PRKACB: variants seen among roughly 807,000 people sequenced by gnomAD.
The protein encoded by PRKACB is cAMP-dependent protein kinase catalytic subunit beta.
A neutral mutation model predicts 51.4 loss-of-function variants in PRKACB; 16 were observed. That is an observed-to-expected ratio of 0.31 (90% confidence interval 0.21 to 0.47). The LOEUF (loss-of-function observed/expected upper bound fraction) is 0.47, where lower values mean the gene tolerates loss of function less well. Ranked by LOEUF, PRKACB falls within the 20% of genes least tolerant of loss-of-function variation. PRKACB has a pLI of 1.00. For synonymous variants in PRKACB, 147 were observed against 154.4 expected (o/e 0.95, Z 0.35); for missense variants, 309 against 464.5 (o/e 0.67, Z 3.08).
intron 8 of PRKACB, among the ~76,000 whole-genome samples, chr1:84,206,895 T>C (rs1671420549): frequency 6.6e-6 from 1 of 152,212 alleles, no homozygotes; most frequent in Admixed American, 6.5e-5. Flanking sequence ...GCCTACTATG[T>C]TAAGTCTTTT....
chr1:84,124,389 G>A (rs1651371827), intron 1 of PRKACB, among the ~76,000 whole-genome samples: 3 of 152,142 alleles, frequency 2.0e-5, no homozygotes, highest in African/African-American at 7.2e-5. Context: ...CTTACATTTT[G>A]TATTAGTATA....
rs3051185 is a variant in PRKACB at position 84,211,127 on chromosome 1, TCACACACACA to T, written c.907-3002_907-2993del. Among the ~76,000 whole-genome samples, 187 of 148,940 alleles carry T rather than the reference TCACACACACA, an allele frequency of 1.3e-3. 1 individual carries two copies. In the South Asian group the frequency reaches 0.017, roughly 14 times the overall value. ...GTCACAACCCACCACCACTCCACTG[TCACACACACA>T]CACACACACACACACACACACACGT... On this transcript the variant is annotated intron_variant, in intron 8 of 9. Transcript: ENST00000370685.
intron 1 of PRKACB, among the ~76,000 whole-genome samples, chr1:84,079,086 C>A (rs919916940): frequency 6.6e-6 from 1 of 152,028 alleles, no homozygotes; most frequent in African/African-American, 2.4e-5. Flanking sequence ...TGCGGGTACT[C>A]CACACTTTAC....
chr1:84,164,394 G>T, intron 1 of PRKACB: 2 of 1,573,640 alleles, frequency 1.3e-6, no homozygotes, highest in Non-Finnish European at 1.7e-6. Context: ...TCTGCTGTTT[G>T]CTCCTTGCCA....
intron 1 of PRKACB, among the ~76,000 whole-genome samples, chr1:84,101,096 A>T (rs1382427129): frequency 6.6e-6 from 1 of 152,224 alleles, no homozygotes; most frequent in East Asian, 1.9e-4. Context: ...AACCAGTAGG[A>T]TATATCGGAA....
chr1:84,131,672 A>G (rs532210657), intron 1 of PRKACB, among the ~76,000 whole-genome samples: 3 of 152,324 alleles, frequency 2.0e-5, no homozygotes, highest in Non-Finnish European at 4.4e-5. Context: ...AAATCTGGAG[A>G]GAAAAGCAAA....
At chr1:84,091,237 A>G (rs1648445501) in intron 1 of PRKACB, among the ~76,000 whole-genome samples, 1 of 152,172 alleles carries the variant, frequency 6.6e-6, no homozygotes, top group South Asian at 2.1e-4. Flanking sequence ...CTCTTGCTGT[A>G]TTATAGTTAC....
At chr1:84,081,291 G>C (rs1647512029) in intron 1 of PRKACB, among the ~76,000 whole-genome samples, 1 of 152,080 alleles carries the variant, frequency 6.6e-6, no homozygotes, top group Admixed American at 6.5e-5. Context: ...CCCTCTATTA[G>C]AATTAACATT....
At chr1:84,154,573 G>A (rs1655224656) in intron 1 of PRKACB, among the ~76,000 whole-genome samples, 2 of 152,108 alleles carry the variant, frequency 1.3e-5, no homozygotes, top group South Asian at 4.1e-4. Flanking sequence ...TACCAGGGCA[G>A]CATTGCTCTG....
intron 1 of PRKACB, among the ~76,000 whole-genome samples, chr1:84,103,793 A>G (rs113105253): frequency 7.2e-5 from 11 of 152,254 alleles, no homozygotes; most frequent in African/African-American, 1.9e-4. Flanking sequence ...CACCTGCCCA[A>G]CCTCACAGAG....
chr1:84,216,953 T>C (rs910818115), intron 9 of PRKACB, among the ~76,000 whole-genome samples: 1 of 152,240 alleles, frequency 6.6e-6, no homozygotes, highest in East Asian at 1.9e-4. Context: ...TCTTAACTTT[T>C]ATGCTTTGAG....
At chr1:84,094,874 C>A (rs905934188) in intron 1 of PRKACB, among the ~76,000 whole-genome samples, 1 of 151,932 alleles carries the variant, frequency 6.6e-6, no homozygotes, top group Non-Finnish European at 1.5e-5. Context: ...ACATTTCAGT[C>A]AAAAACATAC....
At chr1:84,145,356 A>G (rs1470935082) in intron 1 of PRKACB, among the ~76,000 whole-genome samples, 1 of 152,082 alleles carries the variant, frequency 6.6e-6, no homozygotes, top group African/African-American at 2.4e-5. Flanking sequence ...CAATAGAATT[A>G]CCCTTGAAAC....
intron 1 of PRKACB, among the ~76,000 whole-genome samples, chr1:84,084,809 G>T (rs747353627): frequency 1.3e-5 from 2 of 152,126 alleles, no homozygotes; most frequent in Admixed American, 1.3e-4. Context: ...GGGGGTTGGG[G>T]TGGGGACTTA....
intron 1 of PRKACB, among the ~76,000 whole-genome samples, chr1:84,082,915 G>A (rs1326503900): frequency 1.3e-5 from 2 of 152,136 alleles, no homozygotes; most frequent in African/African-American, 4.8e-5. Context: ...CGGAATGCTG[G>A]ATTTATTTTT....
chr1:84,122,281 A>G (rs1278499527), intron 1 of PRKACB, among the ~76,000 whole-genome samples: 1 of 152,172 alleles, frequency 6.6e-6, no homozygotes, highest in Non-Finnish European at 1.5e-5. Context: ...CTGATAGAAA[A>G]ATAAAAATAA....
At chr1:84,140,335 A>G (rs1261359445), upstream of PRKACB, among the ~76,000 whole-genome samples, 2 of 152,222 alleles carry the variant, frequency 1.3e-5, no homozygotes, top group African/African-American at 4.8e-5. Flanking sequence ...ATTAAGATAC[A>G]CAACATAGAT....
At chr1:84,204,751 T>C (rs1184374962) in intron 8 of PRKACB, 1 of 849,318 alleles carries the variant, frequency 1.2e-6, no homozygotes, top group African/African-American at 2.0e-5. Context: ...ATTACTTTTA[T>C]TTATATTCAT....
chr1:84,079,996 A>G (rs1182973865), intron 1 of PRKACB, among the ~76,000 whole-genome samples: 1 of 152,218 alleles, frequency 6.6e-6, no homozygotes, highest in Admixed American at 6.5e-5. Context: ...GCACAAATAT[A>G]GTAACTAACT....
Sources: allele counts gnomAD v4.1 joint callset (sites outside exome capture counted in the v4.1 genomes callset), GRCh38; gene constraint gnomAD v4.1.1; transcripts MANE v1.5; gene names NCBI Gene and HGNC (gene_info 2026-07-23, HGNC 2026-07-21).